Variants in ITGB6 observed in about 807,000 individuals in gnomAD.
ITGB6 encodes integrin subunit beta 6.
Under a neutral mutation model 84.5 loss-of-function variants are expected in ITGB6, and 80 were observed. That is an observed-to-expected ratio of 0.95 (90% CI 0.79 to 1.14). The LOEUF (loss-of-function observed/expected upper bound fraction) is 1.14, where lower values mean the gene tolerates loss of function less well. Among genes scored for constraint, ITGB6 ranks in the 50% most tolerant of loss-of-function variants. The probability of loss-of-function intolerance (pLI) is 0.00; values close to 1 mark genes in which losing one functional copy is unlikely to be tolerated. For synonymous variants in ITGB6, 383 were observed against 354.9 expected (o/e 1.08, Z -0.89); for missense variants, 1,006 against 968.0 (o/e 1.04, Z -0.52).
At position 160,195,382 on chromosome 2, in the gene ITGB6, C is replaced by T. The variant is rs764843609; in HGVS notation, c.580G>A (p.Ala194Thr). Residue 194 changes from alanine (A) to threonine (T), a missense_variant, in exon 4 of 15, where the codon GCC becomes ACC. Coordinates refer to ENST00000283249, the MANE Select transcript of ITGB6 (RefSeq NM_000888.5). ...PFVKTTPEEI[A>T]NPCSSIPYFC... ...TCATTTACTTACCTGCAAGGGTTGGCAATTTCTTCTGGTGTTGTTTTCACA... is the reference window on the plus strand; with the variant it reads ...TCATTTACTTACCTGCAAGGGTTGGTAATTTCTTCTGGTGTTGTTTTCACA... 28 of 1,614,010 alleles carry T rather than the reference C, an allele frequency of 1.7e-5. No homozygotes were observed. The East Asian group carries it at 5.3e-4, about 31-fold the overall frequency.
At chr2:160,171,077 A>G (rs1212267873) in intron 6 of ITGB6, among the ~76,000 whole-genome samples, 2 of 152,210 alleles carry the variant, frequency 1.3e-5, no homozygotes, top group African/African-American at 4.8e-5. Flanking sequence ...GAAAACATTC[A>G]TGTCGAAATT....
At chr2:160,192,325 G>A (rs997280250) in intron 4 of ITGB6, among the ~76,000 whole-genome samples, 1 of 151,984 alleles carries the variant, frequency 6.6e-6, no homozygotes. Flanking sequence ...ACACATATAT[G>A]GTCAATTGCT....
Position 160,200,271 on chromosome 2 carries a change from G to A in ITGB6, c.-208C>T. 1 of 503,626 alleles carries A rather than the reference G, an allele frequency of 2.0e-6. No homozygotes were observed. Among genetic ancestry groups the A allele is most frequent in the East Asian group, 3.4e-5 (1 of 29,258 alleles). 31.2% of individuals were successfully genotyped at this position (503,626 alleles called of 1,614,324 possible). On this transcript the variant is annotated 5_prime_UTR_variant, in exon 1 of 15. Transcript: ENST00000283249. ...AACAGAGGCTACCTGGACAGGTAAA[G>A]CAGAAAAGCTGTGTTTAAAAGCAAC...
intron 7 of ITGB6, among the ~76,000 whole-genome samples, chr2:160,163,496 G>T (rs1000330199): frequency 6.6e-6 from 1 of 152,190 alleles, no homozygotes; most frequent in African/African-American, 2.4e-5. Context: ...GCTGGGCATG[G>T]TGGCACACGC....
In ITGB6 at chr2:160,143,510, C is replaced by A. The variant is rs113711966; in HGVS notation, c.1018-1439G>T. On this transcript the variant is annotated intron_variant, in intron 7 of 14. Transcript: ENST00000283249. The stretch of plus-strand genomic sequence containing the variant: ...TATTTACTATTGCATTTGACATCTA[C>A]TAAGTAGGTTTTCTATACTGTACTA... 8.3e-3 allele frequency among the ~76,000 whole-genome samples: 1,266 copies of A among 152,226 alleles called. 23 individuals carry two copies. Among genetic ancestry groups the A allele is most frequent in the African/African-American group, 0.029 (1,222 of 41,522 alleles).
At chr2:160,148,842 A>T (rs536800928) in intron 7 of ITGB6, among the ~76,000 whole-genome samples, 1 of 152,344 alleles carries the variant, frequency 6.6e-6, no homozygotes, top group African/African-American at 2.4e-5. Flanking sequence ...AGCCTTGCTC[A>T]CTGCTAATGC....
intron 6 of ITGB6, 44 bp downstream of exon 6, chr2:160,172,525 C>G: frequency 6.6e-7 from 1 of 1,521,060 alleles, no homozygotes; most frequent in Admixed American, 1.7e-5. Context: ...GCTTCGTTCT[C>G]CTACTTATAG....
intron 14 of ITGB6, among the ~76,000 whole-genome samples, chr2:160,104,060 C>T (rs62177860): frequency 0.3 from 45,008 of 151,982 alleles, 8,358 homozygotes; most frequent in Non-Finnish European, 0.41. Flanking sequence ...GTTTTCATTC[C>T]GTATTTTAAA....
At chr2:160,148,972 C>T (rs975207270) in intron 7 of ITGB6, among the ~76,000 whole-genome samples, 6 of 152,262 alleles carry the variant, frequency 3.9e-5, no homozygotes, top group African/African-American at 1.4e-4. Flanking sequence ...GAGCCCACCA[C>T]AGCTCAACAG....
intron 10 of ITGB6, among the ~76,000 whole-genome samples, chr2:160,136,921 G>A (rs1300391631): frequency 3.3e-5 from 5 of 151,868 alleles, no homozygotes; most frequent in South Asian, 2.1e-4. Context: ...GGAAGGGGGA[G>A]GGATAGCATT....
intron 11 of ITGB6, among the ~76,000 whole-genome samples, chr2:160,125,435 A>G (rs1683199351): frequency 6.6e-6 from 1 of 152,216 alleles, no homozygotes; most frequent in East Asian, 1.9e-4. Flanking sequence ...AATAGAAGAA[A>G]CACCTTGAAG....
intron 12 of ITGB6, among the ~76,000 whole-genome samples, chr2:160,115,674 T>C (rs868780850): frequency 1.3e-5 from 2 of 152,264 alleles, no homozygotes; most frequent in Middle Eastern, 3.4e-3. Flanking sequence ...ATGACTTTGA[T>C]GAATTGAGAG....
Position 160,112,254 on chromosome 2 carries a change from T to C in ITGB6, c.1982-55A>G, listed in dbSNP as rs947430843. On this transcript the variant is annotated intron_variant, in intron 12 of 14. Coordinates refer to ENST00000283249, the MANE Select transcript of ITGB6 (RefSeq NM_000888.5). ...AAACAAGATTCCAAAAGAGATTGTT[T>C]TTAAAACAAAGTAGTATTGAGTTTT... 2.2e-5 allele frequency: 33 copies of C among 1,519,134 alleles called. No homozygotes were observed. The African/African-American group carries it at 3.7e-4, about 17-fold the overall frequency. The allele number at this position is 1,519,134 out of a possible 1,614,324, so 94.1% of individuals were successfully genotyped here. A position where few individuals can be genotyped will look rare whatever the true frequency, so the allele number is the denominator to read the frequency against.
intron 4 of ITGB6, among the ~76,000 whole-genome samples, chr2:160,178,325 C>T (rs996099598): frequency 6.6e-6 from 1 of 152,158 alleles, no homozygotes; most frequent in Non-Finnish European, 1.5e-5. Context: ...CACCATTGTG[C>T]CTGGGACCTA....
intron 14 of ITGB6, among the ~76,000 whole-genome samples, chr2:160,104,059 C>A (rs1250275803): frequency 6.6e-6 from 1 of 152,108 alleles, no homozygotes. Flanking sequence ...AGTTTTCATT[C>A]CGTATTTTAA....
intron 4 of ITGB6, among the ~76,000 whole-genome samples, chr2:160,185,741 C>A (rs920092880): frequency 1.1e-4 from 16 of 152,136 alleles, no homozygotes; most frequent in Admixed American, 3.9e-4. Context: ...GCTACAGTAA[C>A]CAAAACAGCA....
intron 12 of ITGB6, among the ~76,000 whole-genome samples, chr2:160,118,141 G>A (rs1682867762): frequency 6.6e-6 from 1 of 152,112 alleles, no homozygotes; most frequent in Non-Finnish European, 1.5e-5. Flanking sequence ...AGAAAAAGGG[G>A]GAATCCTCCC....
At chr2:160,163,420 T>C (rs1402565787) in intron 7 of ITGB6, among the ~76,000 whole-genome samples, 5 of 152,132 alleles carry the variant, frequency 3.3e-5, no homozygotes, top group Admixed American at 3.3e-4. Flanking sequence ...TCATTTGAGA[T>C]CAGGAGTTCG....
At chr2:160,185,727 C>T (rs1312331401) in intron 4 of ITGB6, among the ~76,000 whole-genome samples, 4 of 152,156 alleles carry the variant, frequency 2.6e-5, no homozygotes, top group African/African-American at 9.7e-5. Context: ...AACTATACTA[C>T]AAAGCTACAG....
Sources: allele counts gnomAD v4.1 joint callset (sites outside exome capture counted in the v4.1 genomes callset), GRCh38; gene constraint gnomAD v4.1.1; transcripts MANE v1.5; gene names NCBI Gene and HGNC (gene_info 2026-07-23, HGNC 2026-07-21).